Variants in USP47 observed in about 807,000 individuals in gnomAD.
The protein encoded by USP47 is ubiquitin specific peptidase 47.
USP47 carries 35 observed loss-of-function variants against 165.1 expected under a neutral mutation model. The ratio of observed to expected loss-of-function variants is 0.21; its 90% confidence interval spans 0.16 to 0.28. The LOEUF (loss-of-function observed/expected upper bound fraction) is 0.28, where lower values mean the gene tolerates loss of function less well. Ranked by LOEUF, USP47 falls within the 10% of genes least tolerant of loss-of-function variation. The pLI is 1.00. For synonymous variants in USP47, 531 were observed against 544.5 expected, an observed-to-expected ratio of 0.98 and a Z score of 0.35; for missense variants, 1,277 against 1,607.4, an observed-to-expected ratio of 0.79 and a Z score of 3.52.
intron 25 of USP47, among the ~76,000 whole-genome samples, chr11:11,953,615 G>A (rs1017198198): frequency 1.3e-5 from 2 of 151,966 alleles, no homozygotes; most frequent in Non-Finnish European, 2.9e-5. Flanking sequence ...TAAACTAGGA[G>A]GAAATTATTT....
chr11:11,938,541 G>A (rs188213086), intron 18 of USP47, among the ~76,000 whole-genome samples, 169 bp downstream of exon 18: 16 of 152,142 alleles, frequency 1.1e-4, no homozygotes, highest in Non-Finnish European at 1.9e-4. Context: ...AAGTGTGGAG[G>A]TAAGAAAGTG....
chr11:11,931,034 G>A (rs1177096859), intron 14 of USP47, among the ~76,000 whole-genome samples: 2 of 152,024 alleles, frequency 1.3e-5, no homozygotes, highest in African/African-American at 4.8e-5. Flanking sequence ...ATGTAGGGAC[G>A]ATAACATTTT....
intron 2 of USP47, among the ~76,000 whole-genome samples, chr11:11,883,747 A>G (rs912815075): frequency 6.6e-6 from 1 of 152,188 alleles, no homozygotes; most frequent in Non-Finnish European, 1.5e-5. Flanking sequence ...GCTAGAGTAT[A>G]TTAGAATGAC....
Position 11,956,144 on chromosome 11 carries a change from G to T in USP47, c.4037G>T (p.Gly1346Val). The T allele has an allele frequency of 6.2e-7, 1 of 1,614,060 alleles. No homozygotes were observed. The highest frequency in any genetic ancestry group is 8.5e-7 in the Non-Finnish European group (1 of 1,179,980). Residue 1346 changes from glycine (G) to valine (V), a missense_variant, in exon 28 of 28, where the codon GGA (glycine) becomes GTA (valine). Transcript: ENST00000527733. ...KEKALKIYLD[G>V]APNKDLTQD The stretch of plus-strand genomic sequence containing the variant: ...AAAGCACTAAAAATATATCTGGATG[G>T]AGCACCAAATAAAGATCTGACTCAA...
At chr11:11,896,403 A>C (rs1052907705) in intron 4 of USP47, among the ~76,000 whole-genome samples, 4 of 152,224 alleles carry the variant, frequency 2.6e-5, no homozygotes, top group Admixed American at 2.6e-4. Context: ...TGGGAGGAGG[A>C]GGACGGAGAA....
At chr11:11,890,387 A>G (rs968760998) in intron 3 of USP47, among the ~76,000 whole-genome samples, 2 of 152,220 alleles carry the variant, frequency 1.3e-5, no homozygotes, top group Non-Finnish European at 2.9e-5. Context: ...GGCAAAGGGC[A>G]TGGACAGACA....
At chr11:11,888,583 C>T (rs1851315921) in intron 3 of USP47, among the ~76,000 whole-genome samples, 1 of 151,948 alleles carries the variant, frequency 6.6e-6, no homozygotes, top group South Asian at 2.1e-4. Flanking sequence ...CAAAAAAAGC[C>T]CAGGACCAAA....
intron 11 of USP47, among the ~76,000 whole-genome samples, chr11:11,928,322 A>G (rs570795284): frequency 1.3e-5 from 2 of 152,204 alleles, no homozygotes; most frequent in East Asian, 1.9e-4. Context: ...CTTCCTCCCT[A>G]TCACCACTGT....
At chr11:11,870,210 A>G (rs938567863) in intron 1 of USP47, among the ~76,000 whole-genome samples, 12 of 151,910 alleles carry the variant, frequency 7.9e-5, no homozygotes, top group Admixed American at 3.9e-4. Context: ...GTGTGACATA[A>G]TGTAAACCAA....
intron 25 of USP47, among the ~76,000 whole-genome samples, chr11:11,954,375 T>G (rs1485690966): frequency 2.6e-5 from 4 of 152,172 alleles, no homozygotes; most frequent in Non-Finnish European, 5.9e-5. Flanking sequence ...GTTCAAGTGA[T>G]TCTCCTGGTT....
rs576270595 is a variant in USP47 at position 11,943,028 on chromosome 11, G to C, written c.3007G>C (p.Gly1003Arg). ...SGTDSEYDES[G>R]KSRGEMQYMY... ...AACTGATAGTGAATATGATGAGAGT[G>C]GCAAGAGTAGGGGAGAAATGCAGTA... The change falls in exon 20 of 28, where the codon GGC becomes CGC. Residue 1003 changes from glycine to arginine, a missense_variant. Gly to Arg is a moderately radical substitution (Grantham distance 125). This residue lies in a region of USP47 where 909 missense variants were observed against 1,068.1 expected (regional missense o/e 0.85). Transcript: ENST00000527733. 34 of 1,613,424 alleles carry C rather than the reference G, an allele frequency of 2.1e-5. No homozygotes were observed. The highest frequency in any genetic ancestry group is 5.0e-5 in the Admixed American group (3 of 59,928).
At chr11:11,845,667 T>C (rs1848387869) in intron 1 of USP47, among the ~76,000 whole-genome samples, 1 of 152,206 alleles carries the variant, frequency 6.6e-6, no homozygotes, top group Non-Finnish European at 1.5e-5. Flanking sequence ...TAAATATTCG[T>C]TGATGTGGTG....
At chr11:11,888,848 T>C (rs1851333481) in intron 3 of USP47, among the ~76,000 whole-genome samples, 1 of 152,128 alleles carries the variant, frequency 6.6e-6, no homozygotes, top group African/African-American at 2.4e-5. Context: ...AAAAAGCTTA[T>C]CCACATGATC....
In USP47 at chr11:11,942,971, G is replaced by A. The variant is rs1855581550; in HGVS notation, c.2950G>A (p.Glu984Lys). 1 of 1,613,436 alleles carries A rather than the reference G, an allele frequency of 6.2e-7. No individual in the cohort carries two copies. Among genetic ancestry groups the A allele is most frequent in the African/African-American group, 1.3e-5 (1 of 74,874 alleles). Residue 984 changes from glutamate to lysine, a missense_variant, in exon 20 of 28, where the codon GAA becomes AAA. Glu to Lys is a moderately conservative substitution (Grantham distance 56). Transcript: ENST00000527733. ...RRTKANEGKK[E>K]TWDTAEEDSG... ...AACGAAAGCAAATGAAGGGAAAAAA[G>A]AAACATGGGATACAGCAGAAGAAGA...
intron 11 of USP47, among the ~76,000 whole-genome samples, chr11:11,925,184 T>C (rs1273309040): frequency 2.0e-5 from 3 of 150,864 alleles, no homozygotes; most frequent in Non-Finnish European, 4.4e-5. Flanking sequence ...CTCGGCTCAC[T>C]GCAAGTTCCA....
chr11:11,937,314 G>A (rs1287309827), intron 17 of USP47, among the ~76,000 whole-genome samples: 3 of 151,868 alleles, frequency 2.0e-5, no homozygotes, highest in South Asian at 4.2e-4. Context: ...GTGAGAATTA[G>A]GTTCTCTGTG....
chr11:11,842,052 C>A lies in USP47; in HGVS notation c.-134C>A, dbSNP rs1325616377. On this transcript the variant is annotated 5_prime_UTR_variant, in exon 1 of 28. In the 5' UTR this introduces an upstream ATG that the reference lacks. Coordinates refer to ENST00000527733, the MANE Select transcript of USP47 (RefSeq NM_001282659.2). ...TGCGCGCTGGTGTCTGAGGCCCAGG[C>A]TGAGGCCTCCGCTATTGCTGGAGCG... 2 of 1,152,704 alleles carry A rather than the reference C, an allele frequency of 1.7e-6. No individual in the cohort carries two copies. The highest frequency in any genetic ancestry group is 2.4e-6 in the Non-Finnish European group (2 of 816,334). 71.4% of individuals were successfully genotyped at this position (1,152,704 alleles called of 1,614,324 possible).
At chr11:11,866,648 AT>A (rs1849699239) in intron 1 of USP47, among the ~76,000 whole-genome samples, 1 of 152,154 alleles carries the variant, frequency 6.6e-6, no homozygotes, top group African/African-American at 2.4e-5. Context: ...CCTATAATAC[AT>A]TTTTTAAGGA....
chr11:11,867,147 C>T (rs1231911283), intron 1 of USP47, among the ~76,000 whole-genome samples: 8 of 152,112 alleles, frequency 5.3e-5, no homozygotes, highest in South Asian at 2.1e-4. Context: ...TGCGCCCACC[C>T]GGCCCTTTCA....
Sources: allele counts gnomAD v4.1 joint callset (sites outside exome capture counted in the v4.1 genomes callset), GRCh38; gene constraint gnomAD v4.1.1; regional missense constraint gnomAD v4.1.1; transcripts MANE v1.5; gene names NCBI Gene and HGNC (gene_info 2026-07-23, HGNC 2026-07-21).